The following LMOD1 variants were observed in gnomAD, a reference collection of about 807,000 sequenced individuals.
LMOD1 encodes the protein leiomodin-1.
In LMOD1, 8 loss-of-function variants were observed where a neutral mutation model predicts 36.5. The ratio of observed to expected loss-of-function variants is 0.22; its 90% CI spans 0.13 to 0.40. The LOEUF (loss-of-function observed/expected upper bound fraction) is 0.40. LMOD1 is among the 10% of genes least tolerant of loss of function. The pLI, the probability that LMOD1 is intolerant of heterozygous loss-of-function variation, is 1.00. For missense variants in LMOD1, 630 were observed against 751.1 expected (o/e 0.84, Z 1.88); for synonymous variants, 284 against 288.7 (o/e 0.98, Z 0.17).
Position 201,900,730 on chromosome 1 carries a change from T to C in LMOD1, c.283A>G (p.Lys95Glu). The C allele has an allele frequency of 6.3e-7, 1 of 1,592,856 alleles. No individual in the cohort carries two copies. The highest frequency in any genetic ancestry group is 8.5e-7 in the Non-Finnish European group (1 of 1,172,362). ...SMDESKQVETKTDAKNGEERG... is the reference protein window; with the variant it reads ...SMDESKQVETETDAKNGEERG... ...TCCTCTCCATTCTTGGCATCTGTCT[T>C]GGTCTCCACTTGCTTGCTTTCCTAA... The change falls in exon 2 of 3, where the codon AAG becomes GAG. Residue 95 changes from lysine (K) to glutamate (E), a missense_variant. Lys to Glu is a moderately conservative substitution (Grantham distance 56). Coordinates refer to ENST00000367288, the MANE Select transcript of LMOD1 (RefSeq NM_012134.3).
At position 201,946,422 on chromosome 1, in the gene LMOD1, G is replaced by A. The variant is rs41305074; in HGVS notation, c.-82C>T. The A allele has an allele frequency of 0.067, 97,113 of 1,456,176 alleles. 3,766 individuals are homozygous for A. The highest frequency in any genetic ancestry group is 0.11 in the South Asian group (8,381 of 78,038). 90.2% of individuals were successfully genotyped at this position (1,456,176 alleles called of 1,614,324 possible). A position where few individuals can be genotyped will look rare whatever the true frequency, so the allele number is the denominator to read the frequency against. Reference sequence around the variant, plus strand: ...GGGAGAGGGGTGAGCTGATCTGGATGCAGCGAGTGGGCTGAGGAGCAAACC... The same window carrying A: ...GGGAGAGGGGTGAGCTGATCTGGATACAGCGAGTGGGCTGAGGAGCAAACC... On this transcript the variant is annotated 5_prime_UTR_variant, in exon 1 of 3. Coordinates refer to ENST00000367288, the MANE Select transcript of LMOD1 (RefSeq NM_012134.3).
chr1:201,914,086 C>T (rs1681558793), intron 1 of LMOD1, among the ~76,000 whole-genome samples: 4 of 152,126 alleles, frequency 2.6e-5, no homozygotes. Flanking sequence ...TTGACTGCTT[C>T]ACCTCTTGTT....
chr1:201,945,706 C>T (rs1422699704), intron 1 of LMOD1, among the ~76,000 whole-genome samples: 2 of 152,184 alleles, frequency 1.3e-5, no homozygotes, highest in Non-Finnish European at 2.9e-5. Context: ...TAAAGTATCA[C>T]TCTCTCTTTT....
At position 201,898,131 on chromosome 1, in the gene LMOD1, T is replaced by G. The variant is rs556615161; in HGVS notation, c.*241A>C. 7.0e-6 allele frequency: 4 copies of G among 572,902 alleles called. No homozygotes were observed. In the East Asian group the frequency reaches 8.8e-5, roughly 13 times the overall value. The allele number at this position is 572,902 out of a possible 1,614,324, so 35.5% of individuals were successfully genotyped here. A position where few individuals can be genotyped will look rare whatever the true frequency, so the allele number is the denominator to read the frequency against. On this transcript the variant is annotated 3_prime_UTR_variant, in exon 3 of 3. Coordinates refer to ENST00000367288, the MANE Select transcript of LMOD1 (RefSeq NM_012134.3). Reference sequence around the variant, plus strand: ...TGATGTGCTAAAAGGACTCTTCTTGTCCAGAAACCTGAGCTCCATGTACTA... The same window carrying G: ...TGATGTGCTAAAAGGACTCTTCTTGGCCAGAAACCTGAGCTCCATGTACTA...
At chr1:201,901,365 G>A (rs969679407) in intron 1 of LMOD1, among the ~76,000 whole-genome samples, 9 of 150,896 alleles carry the variant, frequency 6.0e-5, no homozygotes, top group African/African-American at 2.0e-4. Flanking sequence ...AGCCAGGCAT[G>A]GTGGTGCATG....
chr1:201,913,361 T>A (rs1681545308), intron 1 of LMOD1, among the ~76,000 whole-genome samples: 1 of 152,172 alleles, frequency 6.6e-6, no homozygotes, highest in African/African-American at 2.4e-5. Context: ...ATCCCGGCAC[T>A]TTGGGAGGCC....
chr1:201,924,281 G>T (rs536591124), intron 1 of LMOD1, among the ~76,000 whole-genome samples: 2 of 145,252 alleles, frequency 1.4e-5, no homozygotes, highest in Non-Finnish European at 3.0e-5. Flanking sequence ...CCGAGATAGC[G>T]CCACTGCACT....
chr1:201,901,598 A>ATG (rs1681318469), intron 1 of LMOD1, among the ~76,000 whole-genome samples: 1 of 8,956 alleles, frequency 1.1e-4, no homozygotes, highest in South Asian at 3.2e-3. Flanking sequence ...ATATATATGT[A>ATG]TATATATATA....
intron 1 of LMOD1, among the ~76,000 whole-genome samples, chr1:201,932,483 G>C (rs1236988567): frequency 6.6e-6 from 1 of 152,096 alleles, no homozygotes. Flanking sequence ...CGGGAGTGGT[G>C]GTTCAGGCCT....
intron 1 of LMOD1, among the ~76,000 whole-genome samples, chr1:201,918,124 C>G (rs1468581482): frequency 1.3e-5 from 2 of 152,254 alleles, no homozygotes; most frequent in Non-Finnish European, 1.5e-5. Context: ...AGGGATGGTG[C>G]AGCTCTCTGT....
At chr1:201,909,078 T>G (rs1257072368) in intron 1 of LMOD1, among the ~76,000 whole-genome samples, 1 of 152,162 alleles carries the variant, frequency 6.6e-6, no homozygotes, top group Non-Finnish European at 1.5e-5. Context: ...GTATACCTGG[T>G]AAAATGTGGG....
intron 1 of LMOD1, among the ~76,000 whole-genome samples, chr1:201,934,487 A>C (rs1681981761): frequency 6.6e-6 from 1 of 152,156 alleles, no homozygotes; most frequent in Non-Finnish European, 1.5e-5. Flanking sequence ...TGGTGTTATC[A>C]GTCTCCCTGT....
At chr1:201,921,568 G>T (rs530717439) in intron 1 of LMOD1, among the ~76,000 whole-genome samples, 1 of 151,290 alleles carries the variant, frequency 6.6e-6, no homozygotes, top group Non-Finnish European at 1.5e-5. Flanking sequence ...GGAGTCATTG[G>T]TGTATACGTA....
intron 2 of LMOD1, 75 bp from the exon 3 acceptor site, chr1:201,898,473 A>G (rs1050962400): frequency 2.5e-5 from 32 of 1,301,230 alleles, no homozygotes; most frequent in Non-Finnish European, 3.5e-5. Flanking sequence ...GGAAGGACAC[A>G]CAAGACACTG....
chr1:201,929,054 C>T (rs143898255), intron 1 of LMOD1, among the ~76,000 whole-genome samples: 18 of 151,958 alleles, frequency 1.2e-4, no homozygotes, highest in African/African-American at 4.1e-4. Flanking sequence ...TAGGGTCTAT[C>T]TGTGGCCCCA....
chr1:201,905,985 C>T (rs77391375), intron 1 of LMOD1, among the ~76,000 whole-genome samples: 17 of 152,334 alleles, frequency 1.1e-4, no homozygotes, highest in East Asian at 9.7e-4. Context: ...ACCCTTGCTA[C>T]GTCCCCTCAA....
rs1438802244 is a variant in LMOD1 at position 201,946,329 on chromosome 1, T to C, written c.12A>G (p.Val4=). The C allele has an allele frequency of 6.2e-7, 1 of 1,613,838 alleles. No homozygotes were observed. Among genetic ancestry groups the C allele is most frequent in the South Asian group, 1.1e-5 (1 of 91,076 alleles). Reference sequence around the variant, plus strand: ...CACTCACCTGCCGGCGATATTTGGCTACTCTAGACATCTTGGCAAAATGGG... The same window carrying C: ...CACTCACCTGCCGGCGATATTTGGCCACTCTAGACATCTTGGCAAAATGGG... MSR[V]AKYRRQVSED... is the part of the protein sequence containing the mutation. Residue 4 remains valine (V), a synonymous_variant, in exon 1 of 3, where the codon GTA becomes GTG. Coordinates refer to ENST00000367288, the MANE Select transcript of LMOD1 (RefSeq NM_012134.3).
intron 1 of LMOD1, among the ~76,000 whole-genome samples, chr1:201,933,515 TTC>T (rs147223046): frequency 4.9e-5 from 7 of 143,272 alleles, no homozygotes; most frequent in South Asian, 2.2e-4. Context: ...CCATGAGCCT[TTC>T]TCTCTCTCTC....
intron 1 of LMOD1, among the ~76,000 whole-genome samples, chr1:201,931,120 A>AAG (rs1408328676): frequency 6.6e-6 from 1 of 152,096 alleles, no homozygotes; most frequent in Non-Finnish European, 1.5e-5. Context: ...GGGAATGTTG[A>AAG]AGAGAGAGAG....
Sources: gnomAD v4.1 joint callset for allele counts (sites outside exome capture counted in the v4.1 genomes callset) on GRCh38, gnomAD v4.1.1 for gene constraint, MANE v1.5 for transcripts, NCBI Gene and HGNC (gene_info 2026-07-23, HGNC 2026-07-21) for gene names.